DRC1: variants seen among roughly 807,000 people sequenced by gnomAD.
DRC1 encodes the protein dynein regulatory complex subunit 1.
A neutral mutation model predicts 98.7 loss-of-function variants in DRC1; 74 were observed. The ratio of observed to expected loss-of-function variants is 0.75; its 90% confidence interval spans 0.62 to 0.91. The LOEUF is 0.91. Among genes scored for constraint, DRC1 ranks in the 40% least tolerant of loss-of-function variants. The probability of loss-of-function intolerance (pLI) is 0.00; values close to 1 mark genes in which losing one functional copy is unlikely to be tolerated. For synonymous variants in DRC1, 336 were observed against 334.1 expected (o/e 1.01, Z -0.06); for missense variants, 875 against 886.0 (o/e 0.99, Z 0.16).
chr2:26,454,576 G>A lies in DRC1; in HGVS notation c.1920-71G>A. ...TGACAGGTGGGAAAGCAGTAGGCCT[G>A]TGACTGGCACTGCCTGGGGGCCTGG... On this transcript the variant is annotated intron_variant, in intron 14 of 16. Coordinates refer to ENST00000288710, the MANE Select transcript of DRC1 (RefSeq NM_145038.5). This position sits in a 1 kb window ranked among gnomAD's most constrained non-coding sequence, Gnocchi z 5.2. The A allele has an allele frequency of 3.8e-6, 6 of 1,584,412 alleles. No homozygotes were observed. The highest frequency in any genetic ancestry group is 1.2e-5 in the South Asian group (1 of 86,128).
chr2:26,435,863 T>A (rs1481128128), intron 7 of DRC1, among the ~76,000 whole-genome samples: 1 of 152,206 alleles, frequency 6.6e-6, no homozygotes, highest in East Asian at 1.9e-4. Context: ...CTACCGTTGA[T>A]GGGCATCTAG....
rs1317897413 is a variant in DRC1 at position 26,439,924 on chromosome 2, T to A, written c.889-454T>A. Among the ~76,000 whole-genome samples the A allele has an allele frequency of 7.8e-5, 8 of 102,112 alleles. No individual in the cohort carries two copies. The East Asian group carries it at 1.8e-3, about 23-fold the overall frequency. The allele number at this position is 102,112 out of a possible 152,430, so 67.0% of individuals were successfully genotyped here. A position where few individuals can be genotyped will look rare whatever the true frequency, so the allele number is the denominator to read the frequency against. ...AAGCTAGGGCCAACTAGTGTGTGAATATATATATATATACACACACACATA... is the reference window on the plus strand; with the variant it reads ...AAGCTAGGGCCAACTAGTGTGTGAAAATATATATATATACACACACACATA... On this transcript the variant is annotated intron_variant, in intron 7 of 16. Transcript: ENST00000288710.
At chr2:26,448,919 GC>G in intron 11 of DRC1, 116 bp downstream of exon 11, 1 of 1,062,012 alleles carries the variant, frequency 9.4e-7, no homozygotes, top group Non-Finnish European at 1.4e-6. Context: ...CCCTGGCCAA[GC>G]CCAGGGTTGG....
Position 26,414,404 on chromosome 2 carries a change from C to T in DRC1, c.216C>T (p.Ser72=). The T allele has an allele frequency of 3.1e-6, 5 of 1,613,730 alleles. No homozygotes were observed. Among genetic ancestry groups the T allele is most frequent in the Non-Finnish European group, 4.2e-6 (5 of 1,179,864 alleles). Residue 72 remains serine, a synonymous_variant, in exon 2 of 17, where the codon AGC becomes AGT. Coordinates refer to ENST00000288710, the MANE Select transcript of DRC1 (RefSeq NM_145038.5). ...KKESEEDQSK[S]YKQKEESRLK... is the part of the protein sequence containing the mutation. The stretch of plus-strand genomic sequence containing the variant: ...AGAGTGAGGAGGATCAAAGCAAGAG[C>T]TACAAACAGAAAGAAGAAAGCCGAT...
chr2:26,453,460 GGAGGAGACCCC>G lies in DRC1; in HGVS notation c.1831_1841del (p.Glu611ThrfsTer10). 1.9e-6 allele frequency: 3 copies of G among 1,614,084 alleles called. No individual in the cohort carries two copies. Among genetic ancestry groups the G allele is most frequent in the Non-Finnish European group, 2.5e-6 (3 of 1,179,960 alleles). On this transcript the variant is annotated frameshift_variant, in exon 14 of 17. Transcript: ENST00000288710. LOFTEE classifies it high-confidence loss of function. The stretch of plus-strand genomic sequence containing the variant: ...TGGTGGAAGGGGAGAAGGAGGAAGA[GGAGGAGACCCC>G]ACCCTCCCCCTGGGTCATCCACCCC...
intron 2 of DRC1, among the ~76,000 whole-genome samples, chr2:26,416,843 G>A (rs1255424854): frequency 1.3e-5 from 2 of 152,178 alleles, no homozygotes; most frequent in Non-Finnish European, 2.9e-5. Flanking sequence ...TAATTTATAA[G>A]GAGGTTTAAT....
At chr2:26,447,757 G>A in intron 10 of DRC1, among the ~76,000 whole-genome samples, 1 of 151,362 alleles carries the variant, frequency 6.6e-6, no homozygotes, top group Non-Finnish European at 1.5e-5. Context: ...AGTAGAGACG[G>A]GGTTTTGCCA....
intron 7 of DRC1, among the ~76,000 whole-genome samples, chr2:26,435,158 G>A (rs1441952473): frequency 6.6e-6 from 1 of 152,126 alleles, no homozygotes; most frequent in African/African-American, 2.4e-5. Context: ...TGAGCCCATG[G>A]GCAAGAGATG....
chr2:26,453,664 C>A, intron 14 of DRC1, 115 bp downstream of exon 14: 1 of 1,081,166 alleles, frequency 9.2e-7, no homozygotes, highest in Non-Finnish European at 1.3e-6. Flanking sequence ...GATGCGGGGA[C>A]TAAGGACAGG....
chr2:26,447,163 C>G (rs943101306), intron 10 of DRC1, among the ~76,000 whole-genome samples: 5 of 151,588 alleles, frequency 3.3e-5, no homozygotes, highest in Non-Finnish European at 7.4e-5. Flanking sequence ...GCCTGTCATC[C>G]CAGCACTTTG....
intron 13 of DRC1, among the ~76,000 whole-genome samples, chr2:26,452,292 G>C (rs544615752): frequency 1.3e-5 from 2 of 152,254 alleles, no homozygotes; most frequent in African/African-American, 4.8e-5. Flanking sequence ...GTCTCACTCT[G>C]TTGCCCAGGC....
chr2:26,440,496 A>T lies in DRC1; in HGVS notation c.1007A>T (p.Gln336Leu). The T allele has an allele frequency of 6.2e-7, 1 of 1,611,570 alleles. No individual in the cohort carries two copies. Among genetic ancestry groups the T allele is most frequent in the Middle Eastern group, 1.7e-4 (1 of 6,044 alleles). Residue 336 changes from glutamine to leucine, a missense_variant, in exon 8 of 17, where the codon CAG becomes CTG. Physicochemically the swap from Gln to Leu is moderately radical, Grantham distance 113. Coordinates refer to ENST00000288710, the MANE Select transcript of DRC1 (RefSeq NM_145038.5). ...GAAGAAAGCACAGTAATTAAATCCC[A>T]GCAGAAGAGGAAGATCAATCGGTAA... ...RDEESTVIKSQQKRKINRLHD... is the reference protein window; with the variant it reads ...RDEESTVIKSLQKRKINRLHD...
chr2:26,430,882 G>A lies in DRC1; in HGVS notation c.765+10G>A, dbSNP rs770752505. ...TCATAATGCCAAAGAGGTAAAGGGT[G>A]GAGCCTGTCAAGAGTGATCCGTGGG... On this transcript the variant is annotated intron_variant, in intron 6 of 16. Transcript: ENST00000288710. 1 of 1,613,512 alleles carries A rather than the reference G, an allele frequency of 6.2e-7. No individual in the cohort carries two copies. The highest frequency in any genetic ancestry group is 8.5e-7 in the Non-Finnish European group (1 of 1,179,674).
chr2:26,439,869 C>T lies in DRC1; in HGVS notation c.889-509C>T, dbSNP rs371953428. Among the ~76,000 whole-genome samples the T allele has an allele frequency of 9.5e-5, 13 of 136,282 alleles. No individual in the cohort carries two copies. The East Asian group carries it at 2.6e-3, about 27-fold the overall frequency. The allele number at this position is 136,282 out of a possible 152,430, so 89.4% of individuals were successfully genotyped here. On this transcript the variant is annotated intron_variant, in intron 7 of 16. Transcript: ENST00000288710. ...GCACTTGTCCCTAAGGTTCCTCTGA[C>T]ATGACTTGAACAATTTATCAGAGGC...
chr2:26,427,683 T>G (rs1663322603), intron 4 of DRC1, among the ~76,000 whole-genome samples: 1 of 152,172 alleles, frequency 6.6e-6, no homozygotes, highest in African/African-American at 2.4e-5. Flanking sequence ...CTAACTATAT[T>G]TTTGTGCCTA....
In DRC1 at chr2:26,444,840, C is replaced by T. The variant is rs568154812; in HGVS notation, c.1288C>T (p.Leu430Phe). 16 of 1,614,206 alleles carry T rather than the reference C, an allele frequency of 9.9e-6. No individual in the cohort carries two copies. In the East Asian group the frequency reaches 3.3e-4, roughly 34 times the overall value. The change falls in exon 10 of 17, where the codon CTT becomes TTT. Residue 430 changes from leucine (L) to phenylalanine (F), a missense_variant. By Grantham distance (22) the Leu-to-Phe change is conservative. Coordinates refer to ENST00000288710, the MANE Select transcript of DRC1 (RefSeq NM_145038.5). Reference protein sequence around the residue: ...DRIIHTHHLGLPWAAPDFWFL... With the variant: ...DRIIHTHHLGFPWAAPDFWFL... ...GATCATCCACACCCATCATCTGGGG[C>T]TTCCCTGGGCAGCACCTGATTTCTG...
chr2:26,409,904 A>G (rs80298505), intron 1 of DRC1, among the ~76,000 whole-genome samples: 5,393 of 152,240 alleles, frequency 0.035, 285 homozygotes, highest in African/African-American at 0.11. Context: ...ATGAAAATTA[A>G]CAAAGAGAAA....
chr2:26,428,595 G>A (rs2147989961), intron 4 of DRC1, among the ~76,000 whole-genome samples: 1 of 152,202 alleles, frequency 6.6e-6, no homozygotes, highest in African/African-American at 2.4e-5. Context: ...TCAGGATATC[G>A]AGACCATCCT....
intron 7 of DRC1, among the ~76,000 whole-genome samples, chr2:26,434,991 GT>G (rs1663535162): frequency 6.6e-6 from 1 of 152,180 alleles, no homozygotes; most frequent in African/African-American, 2.4e-5. Flanking sequence ...GACATTGCCA[GT>G]CTTAGGGTTC....
Sources: allele counts gnomAD v4.1 joint callset (sites outside exome capture counted in the v4.1 genomes callset), GRCh38; gene constraint gnomAD v4.1.1; non-coding constraint Gnocchi (gnomAD v3.1); transcripts MANE v1.5; gene names NCBI Gene and HGNC (gene_info 2026-07-23, HGNC 2026-07-21).